The following RNF187 variants were observed in gnomAD, a reference collection of about 807,000 sequenced individuals.
RNF187 encodes the protein ring finger protein 187.
In RNF187, 18 loss-of-function variants were observed where a neutral mutation model predicts 22.2. That is an observed-to-expected ratio of 0.81 (90% CI 0.56 to 1.20). The LOEUF (loss-of-function observed/expected upper bound fraction) is 1.20. Among genes scored for constraint, RNF187 ranks in the 50% most tolerant of loss-of-function variants. The pLI, the probability that RNF187 is intolerant of heterozygous loss-of-function variation, is 0.00. For missense variants in RNF187, 329 were observed against 317.6 expected (o/e 1.04, Z -0.27); for synonymous variants, 164 against 140.9 (o/e 1.16, Z -1.16).
chr1:228,487,588 G>A lies in RNF187; in HGVS notation c.100G>A (p.Ala34Thr). ...CGACTGCGGCCACCGCTTCTGTCGG[G>A]CGTGCGTGGTGCGCTTCTGGGCCGA... The change falls in exon 1 of 4, where the codon GCG (alanine) becomes ACG (threonine). Residue 34 changes from alanine to threonine, a missense_variant. Physicochemically the swap from Ala to Thr is moderately conservative, Grantham distance 58 (BLOSUM62 0). Transcript: ENST00000305943. 7.9e-7 allele frequency: 1 copy of A among 1,273,718 alleles called. No individual in the cohort carries two copies. Among genetic ancestry groups the A allele is most frequent in the Non-Finnish European group, 1.0e-6 (1 of 995,774 alleles). 78.9% of individuals were successfully genotyped at this position (1,273,718 alleles called of 1,614,324 possible). A position where few individuals can be genotyped will look rare whatever the true frequency, so the allele number is the denominator to read the frequency against.
chr1:228,487,625 C>G lies in RNF187; in HGVS notation c.137C>G (p.Pro46Arg), dbSNP rs1467684954. Residue 46 changes from proline to arginine, a missense_variant, in exon 1 of 4, where the codon CCC becomes CGC. Pro to Arg is a moderately radical substitution (Grantham distance 103, BLOSUM62 -2). Coordinates refer to ENST00000305943, the MANE Select transcript of RNF187 (RefSeq NM_001010858.3). ...CGCTTCTGGGCCGAGGAGGACGGGCCCTTCCCGTGCCCCGAGTGCGCCGAC... is the reference window on the plus strand; with the variant it reads ...CGCTTCTGGGCCGAGGAGGACGGGCGCTTCCCGTGCCCCGAGTGCGCCGAC... 8.2e-7 allele frequency: 1 copy of G among 1,223,966 alleles called. No individual in the cohort carries two copies. Among genetic ancestry groups the G allele is most frequent in the East Asian group, 4.8e-5 (1 of 20,968 alleles). The allele number at this position is 1,223,966 out of a possible 1,614,324, so 75.8% of individuals were successfully genotyped here.
At position 228,495,500 on chromosome 1, in the gene RNF187, T is replaced by TC; in HGVS notation, c.*1615_*1616insC. ...CAGCACGCCAACAACATCCCGACCC[T>TC]GAGACCTCCAGTTTGTCTTTCTCAC... is the stretch of plus-strand genomic sequence containing the variant. On this transcript the variant is annotated 3_prime_UTR_variant, in exon 4 of 4. Coordinates refer to ENST00000305943, the MANE Select transcript of RNF187 (RefSeq NM_001010858.3). 1 of 985,498 alleles carries TC rather than the reference T, an allele frequency of 1.0e-6. No individual in the cohort carries two copies. The highest frequency in any genetic ancestry group is 1.2e-6 in the Non-Finnish European group (1 of 829,972). The allele number at this position is 985,498 out of a possible 1,614,324, so 61.0% of individuals were successfully genotyped here.
Position 228,493,892 on chromosome 1 carries a change from C to T in RNF187, c.*7C>T. 1.0e-5 allele frequency: 16 copies of T among 1,551,758 alleles called. No individual in the cohort carries two copies. Among genetic ancestry groups the T allele is most frequent in the Admixed American group, 3.9e-5 (2 of 51,010 alleles). On this transcript the variant is annotated 3_prime_UTR_variant, in exon 4 of 4. Coordinates refer to ENST00000305943, the MANE Select transcript of RNF187 (RefSeq NM_001010858.3). The surrounding 1 kb of genome is among the most constrained non-coding windows in gnomAD (Gnocchi z 4.7). ...CTCCCCTCCCATGCAGTGATGGCGC[C>T]AACCCGTGGCAGTCCCAGAGCTGGA...
At chr1:228,489,357 C>T in intron 2 of RNF187, among the ~76,000 whole-genome samples, 8 of 152,032 alleles carry the variant, frequency 5.3e-5, no homozygotes, top group African/African-American at 1.9e-4. Context: ...ATTACCCAGG[C>T]TGAAGTGCAA....
Position 228,494,600 on chromosome 1 carries a change from C to T in RNF187, c.*715C>T. The T allele has an allele frequency of 3.0e-6, 3 of 985,764 alleles. No individual in the cohort carries two copies. In the African/African-American group the frequency reaches 5.2e-5, roughly 17 times the overall value. The allele number at this position is 985,764 out of a possible 1,614,324, so 61.1% of individuals were successfully genotyped here. A position where few individuals can be genotyped will look rare whatever the true frequency, so the allele number is the denominator to read the frequency against. ...GGTGAGGGGGCTGGCAGGTGGCTAA[C>T]CCCATTTAGCATCTCCAGGCCCTGC... On this transcript the variant is annotated 3_prime_UTR_variant, in exon 4 of 4. Coordinates refer to ENST00000305943, the MANE Select transcript of RNF187 (RefSeq NM_001010858.3).
Position 228,495,133 on chromosome 1 carries a change from G to C in RNF187, c.*1248G>C. The C allele has an allele frequency of 1.4e-6, 1 of 709,126 alleles. No individual in the cohort carries two copies. Among genetic ancestry groups the C allele is most frequent in the Non-Finnish European group, 1.7e-6 (1 of 577,472 alleles). 43.9% of individuals were successfully genotyped at this position (709,126 alleles called of 1,614,324 possible). ...GTGGGACCCTTTCCTTGGGGCCTGG[G>C]GGGAGATGGGGCTCCACCCCGACGT... On this transcript the variant is annotated 3_prime_UTR_variant, in exon 4 of 4. Transcript: ENST00000305943.
Position 228,487,622 on chromosome 1 carries a change from G to T in RNF187, c.134G>T (p.Gly45Val). The change falls in exon 1 of 4, where the codon GGG (glycine) becomes GTG (valine). Residue 45 changes from glycine to valine, a missense_variant. Gly to Val is a moderately radical substitution (Grantham distance 109). Coordinates refer to ENST00000305943, the MANE Select transcript of RNF187 (RefSeq NM_001010858.3). ...GTGCGCTTCTGGGCCGAGGAGGACG[G>T]GCCCTTCCCGTGCCCCGAGTGCGCC... 1 of 1,228,402 alleles carries T rather than the reference G, an allele frequency of 8.1e-7. No homozygotes were observed. The highest frequency in any genetic ancestry group is 3.2e-5 in the Admixed American group (1 of 31,274). The allele number at this position is 1,228,402 out of a possible 1,614,324, so 76.1% of individuals were successfully genotyped here. A position where few individuals can be genotyped will look rare whatever the true frequency, so the allele number is the denominator to read the frequency against.
chr1:228,494,945 T>C lies in RNF187; in HGVS notation c.*1060T>C. 1 of 985,518 alleles carries C rather than the reference T, an allele frequency of 1.0e-6. No homozygotes were observed. Among genetic ancestry groups the C allele is most frequent in the East Asian group, 1.1e-4 (1 of 8,800 alleles). The allele number at this position is 985,518 out of a possible 1,614,324, so 61.0% of individuals were successfully genotyped here. ...CTGCCCAGCGTGTGGGCTGGCTCAA[T>C]GCTGAATAAAGTGGGTTTGTGTCAG... On this transcript the variant is annotated 3_prime_UTR_variant, in exon 4 of 4. Transcript: ENST00000305943.
chr1:228,494,643 C>G lies in RNF187; in HGVS notation c.*758C>G. 8.1e-6 allele frequency: 8 copies of G among 985,404 alleles called. No individual in the cohort carries two copies. Among genetic ancestry groups the G allele is most frequent in the Non-Finnish European group, 9.6e-6 (8 of 830,028 alleles). 61.0% of individuals were successfully genotyped at this position (985,404 alleles called of 1,614,324 possible). On this transcript the variant is annotated 3_prime_UTR_variant, in exon 4 of 4. Transcript: ENST00000305943. ...GGCCCTGCCATCGTGTCTCATCTTGCTGTTATCTCTAGCTCTTTCCCTCCT... is the reference window on the plus strand; with the variant it reads ...GGCCCTGCCATCGTGTCTCATCTTGGTGTTATCTCTAGCTCTTTCCCTCCT...
In RNF187 at chr1:228,494,014, G is replaced by T; in HGVS notation, c.*129G>T. The T allele has an allele frequency of 6.5e-7, 1 of 1,548,024 alleles. No homozygotes were observed. The highest frequency in any genetic ancestry group is 8.7e-7 in the Non-Finnish European group (1 of 1,145,432). ...TGGCCTTGGGTCCATCTACATAGTT[G>T]CGTGTTTCAACAATGTCCATTTATC... On this transcript the variant is annotated 3_prime_UTR_variant, in exon 4 of 4. Transcript: ENST00000305943.
In RNF187 at chr1:228,495,709, C is replaced by T; in HGVS notation, c.*1824C>T. 3.0e-6 allele frequency: 3 copies of T among 985,618 alleles called. No individual in the cohort carries two copies. The highest frequency in any genetic ancestry group is 3.6e-6 in the Non-Finnish European group (3 of 829,950). The allele number at this position is 985,618 out of a possible 1,614,324, so 61.1% of individuals were successfully genotyped here. ...AACCTAGCTGACCAGCAACATCCCA[C>T]CCTGTCAATCACAACCTCTTTCTAT... On this transcript the variant is annotated 3_prime_UTR_variant, in exon 4 of 4. Coordinates refer to ENST00000305943, the MANE Select transcript of RNF187 (RefSeq NM_001010858.3).
Position 228,495,623 on chromosome 1 carries a change from C to G in RNF187, c.*1738C>G. 1.0e-6 allele frequency: 1 copy of G among 985,600 alleles called. No individual in the cohort carries two copies. The allele number at this position is 985,600 out of a possible 1,614,324, so 61.1% of individuals were successfully genotyped here. ...CCCGGACAGGTCCTGATGGCAGAGTCTCCCACAACATCAGTGTCTCCACAT... is the reference window on the plus strand; with the variant it reads ...CCCGGACAGGTCCTGATGGCAGAGTGTCCCACAACATCAGTGTCTCCACAT... On this transcript the variant is annotated 3_prime_UTR_variant, in exon 4 of 4. Coordinates refer to ENST00000305943, the MANE Select transcript of RNF187 (RefSeq NM_001010858.3).
Position 228,493,230 on chromosome 1 carries a change from C to T in RNF187, c.661C>T (p.Leu221=), listed in dbSNP as rs572447044. 3.2e-5 allele frequency: 50 copies of T among 1,551,464 alleles called. No homozygotes were observed. In the East Asian group the frequency reaches 1.1e-3, roughly 34 times the overall value. ...GTCACTGCTGCAGGCGGTCTCGGAGCTGGAGAAGAAGCATCGCAACCTGGG... is the reference window on the plus strand; with the variant it reads ...GTCACTGCTGCAGGCGGTCTCGGAGTTGGAGAAGAAGCATCGCAACCTGGG... The change falls in exon 3 of 4, where the codon CTG becomes TTG. Residue 221 remains leucine, a synonymous_variant. Transcript: ENST00000305943. The surrounding 1 kb of genome is among the most constrained non-coding windows in gnomAD (Gnocchi z 4.7).
Position 228,495,447 on chromosome 1 carries a change from A to C in RNF187, c.*1562A>C. 6 of 983,334 alleles carry C rather than the reference A, an allele frequency of 6.1e-6. No individual in the cohort carries two copies. Among genetic ancestry groups the C allele is most frequent in the South Asian group, 4.7e-5 (1 of 21,240 alleles). 60.9% of individuals were successfully genotyped at this position (983,334 alleles called of 1,614,324 possible). On this transcript the variant is annotated 3_prime_UTR_variant, in exon 4 of 4. Transcript: ENST00000305943. ...TAGGAGAAGATTCCAGAGCCTGGCC[A>C]GAGTTTGGCCAAGTAGAGAATCTTT... is the stretch of plus-strand genomic sequence containing the variant.
chr1:228,494,227 C>T lies in RNF187; in HGVS notation c.*342C>T. 7.7e-7 allele frequency: 1 copy of T among 1,306,518 alleles called. No individual in the cohort carries two copies. Among genetic ancestry groups the T allele is most frequent in the Non-Finnish European group, 9.8e-7 (1 of 1,018,654 alleles). The allele number at this position is 1,306,518 out of a possible 1,614,324, so 80.9% of individuals were successfully genotyped here. On this transcript the variant is annotated 3_prime_UTR_variant, in exon 4 of 4. Transcript: ENST00000305943. ...TGCCCCTCACCTCGTCATCCAGGGA[C>T]CCAGACCCTGCACCTTCCATGTGGG...
Position 228,487,445 on chromosome 1 carries a change from C to T in RNF187, c.-44C>T. The stretch of plus-strand genomic sequence containing the variant: ...GCCGGCCGTCTAGGTCTCCGGCCCT[C>T]CCCAGCCGCTCCTGCGCCCTTGCCG... On this transcript the variant is annotated 5_prime_UTR_variant, in exon 1 of 4. Transcript: ENST00000305943. 9.1e-6 allele frequency: 10 copies of T among 1,099,386 alleles called. No homozygotes were observed. The highest frequency in any genetic ancestry group is 1.1e-5 in the Non-Finnish European group (10 of 905,110). The allele number at this position is 1,099,386 out of a possible 1,614,324, so 68.1% of individuals were successfully genotyped here.
At position 228,493,899 on chromosome 1, in the gene RNF187, T is replaced by C; in HGVS notation, c.*14T>C. 6 of 1,551,612 alleles carry C rather than the reference T, an allele frequency of 3.9e-6. No homozygotes were observed. In the African/African-American group the frequency reaches 6.8e-5, roughly 18 times the overall value. On this transcript the variant is annotated 3_prime_UTR_variant, in exon 4 of 4. Transcript: ENST00000305943. The surrounding 1 kb of genome is among the most constrained non-coding windows in gnomAD (Gnocchi z 4.7). The stretch of plus-strand genomic sequence containing the variant: ...CCCATGCAGTGATGGCGCCAACCCG[T>C]GGCAGTCCCAGAGCTGGAGGCAGGA...
In RNF187 at chr1:228,494,585, C is replaced by T; in HGVS notation, c.*700C>T. On this transcript the variant is annotated 3_prime_UTR_variant, in exon 4 of 4. Coordinates refer to ENST00000305943, the MANE Select transcript of RNF187 (RefSeq NM_001010858.3). ...TTCTCTGTTTCCCTGGGTGAGGGGG[C>T]TGGCAGGTGGCTAACCCCATTTAGC... 1.0e-6 allele frequency: 1 copy of T among 985,860 alleles called. No individual in the cohort carries two copies. The highest frequency in any genetic ancestry group is 1.7e-5 in the African/African-American group (1 of 57,356). The allele number at this position is 985,860 out of a possible 1,614,324, so 61.1% of individuals were successfully genotyped here. A position where few individuals can be genotyped will look rare whatever the true frequency, so the allele number is the denominator to read the frequency against.
chr1:228,489,919 C>T, intron 2 of RNF187, among the ~76,000 whole-genome samples: 1 of 152,168 alleles, frequency 6.6e-6, no homozygotes, highest in Non-Finnish European at 1.5e-5. Context: ...ACATTCAGAC[C>T]AGAGCAGCGT....
Sources: allele counts gnomAD v4.1 joint callset (sites outside exome capture counted in the v4.1 genomes callset), GRCh38; gene constraint gnomAD v4.1.1; non-coding constraint Gnocchi (gnomAD v3.1); transcripts MANE v1.5; gene names NCBI Gene and HGNC (gene_info 2026-07-23, HGNC 2026-07-21).